C19orf47: variants seen among roughly 807,000 people sequenced by gnomAD.
The protein encoded by C19orf47 is uncharacterized protein C19orf47.
In C19orf47, 18 loss-of-function variants were observed where a neutral mutation model predicts 32.3. The ratio of observed to expected loss-of-function variants is 0.56; its 90% CI spans 0.39 to 0.83. The LOEUF is 0.83. C19orf47 is among the 40% of genes least tolerant of loss of function. C19orf47 has a pLI of 0.00. For missense variants in C19orf47, 484 were observed against 531.6 expected (o/e 0.91, Z 0.88); for synonymous variants, 202 against 211.1 (o/e 0.96, Z 0.37).
At chr19:40,311,294 G>A in the C19orf47 span, among the ~76,000 whole-genome samples, 3 of 151,730 alleles carry the variant, frequency 2.0e-5, no homozygotes, top group African/African-American at 7.3e-5. Flanking sequence ...CAGGAGAATC[G>A]CTTGAACCCG....
At chr19:40,308,048 A>C in the C19orf47 span, among the ~76,000 whole-genome samples, 1 of 152,160 alleles carries the variant, frequency 6.6e-6, no homozygotes, top group Non-Finnish European at 1.5e-5. Flanking sequence ...CAAGCTCTTC[A>C]TAATAACACA....
intron 1 of C19orf47, among the ~76,000 whole-genome samples, chr19:40,345,771 CGG>C (rs34412648): frequency 1.3e-4 from 17 of 131,322 alleles, no homozygotes; most frequent in Admixed American, 1.5e-4. Flanking sequence ...CAACCCGGGG[CGG>C]GGGGGGGAGA....
At position 40,346,224 on chromosome 19, in the gene C19orf47, A is replaced by C. The variant is rs184546204; in HGVS notation, c.-34+2100T>G. On this transcript the variant is annotated intron_variant, in intron 1 of 8. Transcript: ENST00000683109. ...CTTGGGAGGCTGAGGCAGGTGGATA[A>C]CCTGAGGTCAGGAATTCAAGACCAG... is the stretch of plus-strand genomic sequence containing the variant. 1.8e-3 allele frequency among the ~76,000 whole-genome samples: 270 copies of C among 149,308 alleles called. 1 individual carries two copies. Among genetic ancestry groups the C allele is most frequent in the African/African-American group, 6.1e-3 (248 of 40,480 alleles).
At chr19:40,336,537 C>A in intron 2 of C19orf47, 130 bp from the exon 3 acceptor site, 1 of 773,232 alleles carries the variant, frequency 1.3e-6, no homozygotes, top group Non-Finnish European at 2.1e-6. Flanking sequence ...GAGTGCTCCA[C>A]ACACACATGA....
the C19orf47 span, among the ~76,000 whole-genome samples, chr19:40,313,978 C>T: frequency 2.6e-5 from 4 of 151,488 alleles, no homozygotes; most frequent in Non-Finnish European, 5.9e-5. Context: ...CCAGTAGCAG[C>T]CAAGCACATC....
At chr19:40,306,791 A>AT in the C19orf47 span, among the ~76,000 whole-genome samples, 129,607 of 140,106 alleles carry the variant, frequency 0.93, 59,990 homozygotes, top group African/African-American at 0.96. Context: ...TGTCATTAAA[A>AT]TTTTTTTTTT....
At chr19:40,328,949 T>C (rs1050743362) in intron 5 of C19orf47, among the ~76,000 whole-genome samples, 1 of 152,170 alleles carries the variant, frequency 6.6e-6, no homozygotes, top group Admixed American at 6.5e-5. Flanking sequence ...CTGCCTGGCA[T>C]GCAGTTCCCC....
At chr19:40,326,890 T>C (rs940299208) in intron 6 of C19orf47, among the ~76,000 whole-genome samples, 3 of 152,236 alleles carry the variant, frequency 2.0e-5, no homozygotes, top group African/African-American at 7.2e-5. Flanking sequence ...AGTGGTGGAT[T>C]GTGCATAAGT....
At chr19:40,324,417 G>T in intron 7 of C19orf47, 2 of 344,148 alleles carry the variant, frequency 5.8e-6, no homozygotes, top group Non-Finnish European at 1.1e-5. Context: ...GAGTGGTAGT[G>T]CATCCTCCCC....
Position 40,322,225 on chromosome 19 carries a change from G to C in C19orf47, c.815C>G (p.Pro272Arg). The C allele has an allele frequency of 6.2e-7, 1 of 1,609,888 alleles. No homozygotes were observed. Among genetic ancestry groups the C allele is most frequent in the Admixed American group, 1.7e-5 (1 of 60,028 alleles). The change falls in exon 9 of 9, where the codon CCA (proline) becomes CGA (arginine). Residue 272 changes from proline to arginine, a missense_variant. Around this residue, in one of 3 missense-constraint regions of C19orf47, gnomAD observed 376 missense variants for 370.2 expected, o/e 1.02. Coordinates refer to ENST00000683109, the MANE Select transcript of C19orf47 (RefSeq NM_001256441.2). ...GRGPAKASPQ[P>R]ALTVKAKATS... The stretch of plus-strand genomic sequence containing the variant: ...GGCCTTGGCTTTGACAGTCAGTGCT[G>C]GCTGGGGACTGGCCTTGGCTGGGCC...
the C19orf47 span, among the ~76,000 whole-genome samples, chr19:40,312,107 C>T: frequency 6.6e-6 from 1 of 152,210 alleles, no homozygotes; most frequent in South Asian, 2.1e-4. Context: ...GACCACAATG[C>T]GAGTTCTCAT....
At chr19:40,328,203 A>G (rs1377309816) in intron 6 of C19orf47, among the ~76,000 whole-genome samples, 1 of 152,126 alleles carries the variant, frequency 6.6e-6, no homozygotes, top group East Asian at 1.9e-4. Context: ...TGGGTGGGGT[A>G]TCGCCACCCC....
At chr19:40,314,303 C>T in the C19orf47 span, among the ~76,000 whole-genome samples, 5 of 152,168 alleles carry the variant, frequency 3.3e-5, no homozygotes, top group African/African-American at 1.2e-4. Flanking sequence ...TGGCATGTGC[C>T]TGTAATCCCA....
At chr19:40,335,612 T>TTA (rs2078047446) in intron 4 of C19orf47, among the ~76,000 whole-genome samples, 1 of 151,646 alleles carries the variant, frequency 6.6e-6, no homozygotes, top group South Asian at 2.1e-4. Context: ...TTCAAGATTT[T>TTA]TTTTTTTTTT....
chr19:40,334,983 A>AG (rs2078031199), intron 4 of C19orf47: 1 of 128,838 alleles, frequency 7.8e-6, no homozygotes, highest in African/African-American at 2.8e-5. Context: ...GGAGGAAGGA[A>AG]GGAAGGGAGA....
the C19orf47 span, among the ~76,000 whole-genome samples, chr19:40,307,237 AG>A: frequency 6.6e-6 from 1 of 151,078 alleles, no homozygotes; most frequent in Non-Finnish European, 1.5e-5. Flanking sequence ...CTGGGATTAC[AG>A]GCGCATGCCA....
rs377752034 is a variant in C19orf47, at chr19:40,336,195, T to C, written c.137A>G (p.Asn46Ser). The C allele has an allele frequency of 8.1e-6, 13 of 1,614,214 alleles. No homozygotes were observed. The highest frequency in any genetic ancestry group is 1.1e-5 in the Non-Finnish European group (13 of 1,180,040). The change falls in exon 4 of 9, where the codon AAT becomes AGT. Residue 46 changes from asparagine (N) to serine (S), a missense_variant. Transcript: ENST00000683109. ...RIQKSMLLDLNKEIMNELGVT... is the reference protein window; with the variant it reads ...RIQKSMLLDLSKEIMNELGVT... ...GCCCAGCTCATTCATTATCTCCTTA[T>C]TGAGATCCAGCAGCATGCTCTTCTG...
intron 1 of C19orf47, chr19:40,342,386 G>C (rs1339983776): frequency 6.5e-6 from 1 of 154,866 alleles, no homozygotes; most frequent in Non-Finnish European, 1.4e-5. Flanking sequence ...TTTACAGATG[G>C]AACTCCTTAT....
At chr19:40,344,895 C>G (rs1352357311) in intron 1 of C19orf47, among the ~76,000 whole-genome samples, 1 of 152,148 alleles carries the variant, frequency 6.6e-6, no homozygotes, top group South Asian at 2.1e-4. Context: ...CAAGATCACA[C>G]AGCAAAAGGC....
Sources: allele counts gnomAD v4.1 joint callset (sites outside exome capture counted in the v4.1 genomes callset), GRCh38; gene constraint gnomAD v4.1.1; regional missense constraint gnomAD v4.1.1; transcripts MANE v1.5; gene names NCBI Gene and HGNC (gene_info 2026-07-23, HGNC 2026-07-21).